Variants in SLC67A2 observed in about 807,000 individuals in gnomAD.
SLC67A2 encodes the protein solute carrier family 67 member 2.
the SLC67A2 span, chr2:102,719,282 C>T: frequency 7.0e-7 from 1 of 1,423,658 alleles, no homozygotes; most frequent in Admixed American, 2.2e-5. Flanking sequence ...GGGGAAGGGC[C>T]AATTATTTGT....
chr2:102,727,868 G>C, the SLC67A2 span, among the ~76,000 whole-genome samples: 14 of 152,276 alleles, frequency 9.2e-5, no homozygotes, highest in African/African-American at 3.4e-4. Context: ...TTGTTAAGCA[G>C]CATCTTTTAA....
the SLC67A2 span, among the ~76,000 whole-genome samples, chr2:102,724,143 A>G: frequency 6.6e-6 from 1 of 152,052 alleles, no homozygotes; most frequent in Non-Finnish European, 1.5e-5. Flanking sequence ...CTCTGATCCT[A>G]GTCAGTCACC....
At chr2:102,732,703 G>A in the SLC67A2 span, among the ~76,000 whole-genome samples, 2 of 152,146 alleles carry the variant, frequency 1.3e-5, no homozygotes, top group African/African-American at 4.8e-5. Context: ...AAGAAAAAAT[G>A]CAGTCATAAT....
chr2:102,724,061 T>C, the SLC67A2 span: 1 of 663,562 alleles, frequency 1.5e-6, no homozygotes, highest in South Asian at 1.9e-5. Flanking sequence ...CCACGGCATC[T>C]GATCTTCTTT....
the SLC67A2 span, among the ~76,000 whole-genome samples, chr2:102,733,753 CA>C: frequency 0.12 from 16,709 of 138,732 alleles, 1,259 homozygotes; most frequent in Non-Finnish European, 0.15. Context: ...CATTTTTTTC[CA>C]AAAAAAAAAA....
chr2:102,736,842 C>T, the SLC67A2 span: 2 of 1,572,566 alleles, frequency 1.3e-6, no homozygotes, highest in East Asian at 4.5e-5. Flanking sequence ...GACGCAGCAG[C>T]AGCCGCGGAC....
chr2:102,729,347 A>G, the SLC67A2 span, among the ~76,000 whole-genome samples: 1 of 152,220 alleles, frequency 6.6e-6, no homozygotes, highest in African/African-American at 2.4e-5. Flanking sequence ...TAAAAAAATT[A>G]AGCAAGTAAG....
chr2:102,728,168 A>G, the SLC67A2 span, among the ~76,000 whole-genome samples: 6 of 152,298 alleles, frequency 3.9e-5, no homozygotes, highest in Admixed American at 2.6e-4. Flanking sequence ...AACAATTACT[A>G]AACACTATAC....
the SLC67A2 span, among the ~76,000 whole-genome samples, chr2:102,722,164 T>C: frequency 6.6e-6 from 1 of 152,236 alleles, no homozygotes; most frequent in Non-Finnish European, 1.5e-5. Flanking sequence ...AATTAAGCTC[T>C]TTTAGGCAGA....
the SLC67A2 span, among the ~76,000 whole-genome samples, chr2:102,732,902 A>G: frequency 1.3e-5 from 2 of 152,342 alleles, no homozygotes; most frequent in South Asian, 4.1e-4. Flanking sequence ...GCTAAGTCAT[A>G]GAAAGTGAAT....
chr2:102,732,180 A>T, the SLC67A2 span: 1 of 785,238 alleles, frequency 1.3e-6, no homozygotes, highest in South Asian at 1.5e-5. Flanking sequence ...GTAATATTTT[A>T]AAATATTCTG....
At chr2:102,727,558 AAT>A in the SLC67A2 span, among the ~76,000 whole-genome samples, 1 of 152,214 alleles carries the variant, frequency 6.6e-6, no homozygotes, top group Non-Finnish European at 1.5e-5. Flanking sequence ...TTATTTAACA[AAT>A]AGTTTTGTTA....
the SLC67A2 span, among the ~76,000 whole-genome samples, chr2:102,714,792 G>A: frequency 6.6e-6 from 1 of 152,160 alleles, no homozygotes; most frequent in Non-Finnish European, 1.5e-5. Context: ...CTGTTTTAGA[G>A]ACTTCTTGAA....
the SLC67A2 span, chr2:102,724,054 C>T: frequency 5.5e-5 from 37 of 675,132 alleles, no homozygotes; most frequent in African/African-American, 2.0e-4. Context: ...TATACCACCA[C>T]GGCATCTGAT....
At chr2:102,718,364 C>A in the SLC67A2 span, 1 of 1,593,070 alleles carries the variant, frequency 6.3e-7, no homozygotes, top group Non-Finnish European at 8.6e-7. Context: ...TCATCATGGC[C>A]TCCGGCCCTC....
At chr2:102,732,197 T>C in the SLC67A2 span, 1 of 854,728 alleles carries the variant, frequency 1.2e-6, no homozygotes, top group South Asian at 1.4e-5. Context: ...TCTGGAAATT[T>C]GTTTTATCTC....
the SLC67A2 span, among the ~76,000 whole-genome samples, chr2:102,727,597 A>G: frequency 1.1e-4 from 17 of 152,362 alleles, no homozygotes; most frequent in African/African-American, 1.4e-4. Context: ...AAATTTGTCA[A>G]AAATATAAAT....
chr2:102,736,478 T>C, the SLC67A2 span: 2 of 1,485,208 alleles, frequency 1.3e-6, no homozygotes, highest in Non-Finnish European at 1.8e-6. Context: ...AGATGCAGAC[T>C]GAAGTGGGTG....
chr2:102,736,565 C>T, the SLC67A2 span: 18 of 1,611,620 alleles, frequency 1.1e-5, no homozygotes, highest in East Asian at 2.2e-5. Flanking sequence ...CTGGGAGCTC[C>T]CCGGAAGCTC....
Sources: allele counts gnomAD v4.1 joint callset (sites outside exome capture counted in the v4.1 genomes callset), GRCh38; gene constraint gnomAD v4.1.1; transcripts MANE v1.5; gene names NCBI Gene and HGNC (gene_info 2026-07-23, HGNC 2026-07-21).